MTOR: variants seen among roughly 807,000 people sequenced by gnomAD.
The protein encoded by MTOR is serine/threonine-protein kinase mTOR.
MTOR carries 70 observed loss-of-function variants against 319.8 expected under a neutral mutation model. The observed-to-expected ratio is 0.22, with a 90% CI of 0.18 to 0.27. The LOEUF is 0.27. Among genes scored for constraint, MTOR ranks in the 10% least tolerant of loss-of-function variants. The pLI is 1.00. For synonymous variants in MTOR, 1,183 were observed against 1,211.4 expected, an observed-to-expected ratio of 0.98 and a Z score of 0.49; for missense variants, 1,890 against 3,274.4, an observed-to-expected ratio of 0.58 and a Z score of 10.32.
Position 11,194,736 on chromosome 1 carries a change from T to C in MTOR, c.4253+4522A>G, listed in dbSNP as rs147373987. The C allele has an allele frequency of 3.3e-4, 526 of 1,604,730 alleles. 2 individuals are homozygous for C. The East Asian group carries it at 1.0e-2, about 31-fold the overall frequency. On this transcript the variant is annotated intron_variant, in intron 28 of 57. Transcript: ENST00000361445. The stretch of plus-strand genomic sequence containing the variant: ...CCACTTGAGGAGAAAGAGTGAATTA[T>C]AACTGTACAGTTGATATTCCGGTTT...
At position 11,115,279 on chromosome 1, in the gene MTOR, G is replaced by A; in HGVS notation, c.7089+117C>T. On this transcript the variant is annotated intron_variant, in intron 51 of 57. Transcript: ENST00000361445. This position sits in a 1 kb window ranked among gnomAD's most constrained non-coding sequence, Gnocchi z 4.5. Reference sequence around the variant, plus strand: ...GACTGACTTAACTACAGCCTTGGTAGGGCCAGCAGGGGTTAAGAGTAAGGC... The same window carrying A: ...GACTGACTTAACTACAGCCTTGGTAAGGCCAGCAGGGGTTAAGAGTAAGGC... 1 of 934,160 alleles carries A rather than the reference G, an allele frequency of 1.1e-6. No individual in the cohort carries two copies. The highest frequency in any genetic ancestry group is 1.7e-6 in the Non-Finnish European group (1 of 578,004). 57.9% of individuals were successfully genotyped at this position (934,160 alleles called of 1,614,324 possible). A position where few individuals can be genotyped will look rare whatever the true frequency, so the allele number is the denominator to read the frequency against.
At position 11,128,578 on chromosome 1, in the gene MTOR, TAGC is replaced by T; in HGVS notation, c.5812-29_5812-27del. On this transcript the variant is annotated intron_variant, in intron 41 of 57. Coordinates refer to ENST00000361445, the MANE Select transcript of MTOR (RefSeq NM_004958.4). This position sits in a 1 kb window ranked among gnomAD's most constrained non-coding sequence, Gnocchi z 5.3. Reference sequence around the variant, plus strand: ...CTGGTATTCAAAAAGACACAGTATGTAGCATATGAGACTTGAAACAACTAGTTA... The same window carrying T: ...CTGGTATTCAAAAAGACACAGTATGTATATGAGACTTGAAACAACTAGTTA... 1 of 1,597,958 alleles carries T rather than the reference TAGC, an allele frequency of 6.3e-7. No individual in the cohort carries two copies. Among genetic ancestry groups the T allele is most frequent in the Non-Finnish European group, 8.6e-7 (1 of 1,165,368 alleles).
At chr1:11,181,064 C>T (rs1220291339) in intron 28 of MTOR, among the ~76,000 whole-genome samples, 1 of 152,134 alleles carries the variant, frequency 6.6e-6, no homozygotes, top group African/African-American at 2.4e-5. Flanking sequence ...CATGAGCCAC[C>T]TTGCCCGCCC....
intron 8 of MTOR, among the ~76,000 whole-genome samples, chr1:11,245,990 T>C (rs946213074): frequency 6.6e-6 from 1 of 152,200 alleles, no homozygotes; most frequent in Non-Finnish European, 1.5e-5. Flanking sequence ...GAGATTCTAG[T>C]TCAGTCTTGG....
chr1:11,140,430 C>G (rs2100483866), intron 34 of MTOR, among the ~76,000 whole-genome samples: 1 of 152,290 alleles, frequency 6.6e-6, no homozygotes, highest in Non-Finnish European at 1.5e-5. Flanking sequence ...CTGTGAGAAT[C>G]CAATGTGGCT....
intron 53 of MTOR, among the ~76,000 whole-genome samples, chr1:11,113,537 G>A (rs927716370): frequency 2.0e-5 from 3 of 151,998 alleles, no homozygotes; most frequent in African/African-American, 7.2e-5. Context: ...TAATTTGGGA[G>A]GCTGCCAACC....
Position 11,127,150 on chromosome 1 carries a change from A to G in MTOR, c.6217-6T>C, listed in dbSNP as rs2100402783. Reference sequence around the variant, plus strand: ...ATTAAATCTCGACCATAGGCCTGAGAGAGAAAGCAGGCACGTTTTCAAGTT... The same window carrying G: ...ATTAAATCTCGACCATAGGCCTGAGGGAGAAAGCAGGCACGTTTTCAAGTT... On this transcript the variant is annotated splice_region_variant and splice_polypyrimidine_tract_variant and intron_variant, in intron 44 of 57. Coordinates refer to ENST00000361445, the MANE Select transcript of MTOR (RefSeq NM_004958.4). The surrounding 1 kb of genome is among the most constrained non-coding windows in gnomAD (Gnocchi z 5.5). The G allele has an allele frequency of 6.2e-7, 1 of 1,613,664 alleles. No homozygotes were observed. The highest frequency in any genetic ancestry group is 1.7e-5 in the Admixed American group (1 of 59,892).
chr1:11,227,190 C>CA (rs1209548715), intron 19 of MTOR, among the ~76,000 whole-genome samples: 1 of 148,434 alleles, frequency 6.7e-6, no homozygotes, highest in African/African-American at 2.5e-5. Flanking sequence ...CCCAGCTACT[C>CA]AAGAGGCTGA....
chr1:11,234,268 G>T lies in MTOR; in HGVS notation c.2209-3C>A. ...CTGTGCTCCAACTCTGTCAAAATCTGTAGGGAAGAAAGGCTCATATGTTCT... is the reference window on the plus strand; with the variant it reads ...CTGTGCTCCAACTCTGTCAAAATCTTTAGGGAAGAAAGGCTCATATGTTCT... On this transcript the variant is annotated splice_polypyrimidine_tract_variant and splice_region_variant and intron_variant, in intron 13 of 57. Coordinates refer to ENST00000361445, the MANE Select transcript of MTOR (RefSeq NM_004958.4). 2 of 1,610,202 alleles carry T rather than the reference G, an allele frequency of 1.2e-6. No homozygotes were observed. The highest frequency in any genetic ancestry group is 1.7e-6 in the Non-Finnish European group (2 of 1,178,290).
intron 29 of MTOR, among the ~76,000 whole-genome samples, chr1:11,165,584 G>A (rs573394936): frequency 2.6e-5 from 4 of 151,878 alleles, no homozygotes; most frequent in Non-Finnish European, 4.4e-5. Context: ...ACTGCTCAAC[G>A]AAATAAAAGA....
chr1:11,233,331 G>T, intron 15 of MTOR, 67 bp downstream of exon 15: 3 of 1,395,340 alleles, frequency 2.2e-6, no homozygotes, highest in South Asian at 2.5e-5. Context: ...ATAGTATTTT[G>T]ACTTCCTTAG....
Position 11,241,618 on chromosome 1 carries a change from T to C in MTOR, c.1476A>G (p.Ala492=), listed in dbSNP as rs200739392. ...TATCCTGCTGGATGCCTGGCCCCAT[T>C]GCTCGAGCCAGCATGCTGATGCAAG... ...VFTCISMLAR[A]MGPGIQQDIK... is the part of the protein sequence containing the mutation. Residue 492 remains alanine, a synonymous_variant, in exon 10 of 58, where the codon GCA becomes GCG. Coordinates refer to ENST00000361445, the MANE Select transcript of MTOR (RefSeq NM_004958.4). 1.9e-6 allele frequency: 3 copies of C among 1,614,082 alleles called. No individual in the cohort carries two copies. Among genetic ancestry groups the C allele is most frequent in the Admixed American group, 1.7e-5 (1 of 60,004 alleles).
intron 34 of MTOR, among the ~76,000 whole-genome samples, chr1:11,143,032 T>G (rs1643789359): frequency 1.3e-5 from 2 of 152,218 alleles, no homozygotes; most frequent in Non-Finnish European, 2.9e-5. Flanking sequence ...ACTATAAATG[T>G]AATGCTTTAC....
At chr1:11,203,503 C>T (rs539253054) in intron 26 of MTOR, among the ~76,000 whole-genome samples, 3 of 151,898 alleles carry the variant, frequency 2.0e-5, no homozygotes, top group Admixed American at 6.6e-5. Flanking sequence ...GGCGAAACCC[C>T]GTCTTTACTA....
chr1:11,234,789 G>A (rs1647140680), intron 13 of MTOR, among the ~76,000 whole-genome samples: 1 of 152,084 alleles, frequency 6.6e-6, no homozygotes, highest in African/African-American at 2.4e-5. Context: ...TCAATAGGTG[G>A]GGATCACACT....
intron 28 of MTOR, among the ~76,000 whole-genome samples, chr1:11,180,781 G>GT (rs60096418): frequency 0.058 from 8,195 of 142,050 alleles, 354 homozygotes; most frequent in Admixed American, 0.12. Flanking sequence ...AATAAGGCAG[G>GT]TTTTTTTTTT....
intron 34 of MTOR, among the ~76,000 whole-genome samples, chr1:11,142,116 G>C (rs1210184299): frequency 6.6e-6 from 1 of 152,278 alleles, no homozygotes; most frequent in Admixed American, 6.5e-5. Context: ...GTTGGGGACG[G>C]CTGCCTAAGG....
In MTOR at chr1:11,129,317, T is replaced by G. The variant is rs1199835406; in HGVS notation, c.5715-366A>C. Among the ~76,000 whole-genome samples the G allele has an allele frequency of 1.3e-5, 2 of 152,222 alleles. No homozygotes were observed. Among genetic ancestry groups the G allele is most frequent in the East Asian group, 3.9e-4 (2 of 5,186 alleles). On this transcript the variant is annotated intron_variant, in intron 40 of 57. Transcript: ENST00000361445. The surrounding 1 kb of genome is among the most constrained non-coding windows in gnomAD (Gnocchi z 4.7). ...CTGGCTCTTAGCTGGCTGGAGATCC[T>G]CAAATGAAGGAGGATGTGGACCTTG...
At position 11,188,405 on chromosome 1, in the gene MTOR, T is replaced by A. The variant is rs544967731; in HGVS notation, c.4253+10853A>T. Among the ~76,000 whole-genome samples the A allele has an allele frequency of 3.2e-4, 48 of 152,298 alleles. No homozygotes were observed. In the South Asian group the frequency reaches 7.9e-3, roughly 25 times the overall value. Reference sequence around the variant, plus strand: ...CAAATAGAGGAGGAATAATTTCAAATTGCAAACCATACCAGCAAAGAAAGA... The same window carrying A: ...CAAATAGAGGAGGAATAATTTCAAAATGCAAACCATACCAGCAAAGAAAGA... On this transcript the variant is annotated intron_variant, in intron 28 of 57. Transcript: ENST00000361445.
Sources: gnomAD v4.1 joint callset for allele counts (sites outside exome capture counted in the v4.1 genomes callset) on GRCh38, gnomAD v4.1.1 for gene constraint, Gnocchi (gnomAD v3.1) non-coding constraint, MANE v1.5 for transcripts, NCBI Gene and HGNC (gene_info 2026-07-23, HGNC 2026-07-21) for gene names.